The following SYT1 variants were observed in gnomAD, a reference collection of about 807,000 sequenced individuals.
SYT1 encodes the protein synaptotagmin 1.
SYT1 carries 8 observed loss-of-function variants against 44.8 expected under a neutral mutation model. The observed-to-expected ratio is 0.18, with a 90% CI of 0.10 to 0.32. The LOEUF is 0.32. SYT1 is among the 10% of genes least tolerant of loss of function. SYT1 has a pLI of 1.00. For missense variants in SYT1, 286 were observed against 509.3 expected (o/e 0.56, Z 4.22); for synonymous variants, 154 against 188.8 (o/e 0.82, Z 1.51).
intron 2 of SYT1, among the ~76,000 whole-genome samples, chr12:78,978,271 G>A (rs181581822): frequency 5.1e-4 from 77 of 152,250 alleles, no homozygotes; most frequent in African/African-American, 1.7e-3. Flanking sequence ...ATGATCTTGA[G>A]CAGTCTTGCA....
chr12:79,181,549 C>T lies in SYT1; in HGVS notation c.-17-35954C>T, dbSNP rs191591669. 2.1e-3 allele frequency among the ~76,000 whole-genome samples: 324 copies of T among 152,036 alleles called. 1 individual carries two copies. Among genetic ancestry groups the T allele is most frequent in the African/African-American group, 7.2e-3 (298 of 41,512 alleles). ...GGCCCCCACTCTTCTCCATATCAACCGTATACCTTTCTAGATGTCTAATAT... is the reference window on the plus strand; with the variant it reads ...GGCCCCCACTCTTCTCCATATCAACTGTATACCTTTCTAGATGTCTAATAT... On this transcript the variant is annotated intron_variant, in intron 3 of 10. Coordinates refer to ENST00000261205, the MANE Select transcript of SYT1 (RefSeq NM_005639.3).
intron 3 of SYT1, among the ~76,000 whole-genome samples, chr12:79,081,343 C>T (rs954928422): frequency 4.6e-5 from 7 of 151,588 alleles, no homozygotes; most frequent in Admixed American, 2.6e-4. Context: ...TTTTTACCTC[C>T]ACAGTGGAAT....
intron 3 of SYT1, among the ~76,000 whole-genome samples, chr12:79,200,436 A>G (rs1320480246): frequency 6.6e-6 from 1 of 152,142 alleles, no homozygotes; most frequent in African/African-American, 2.4e-5. Flanking sequence ...TAGAGCCACT[A>G]TGAGGGCTCT....
intron 2 of SYT1, among the ~76,000 whole-genome samples, chr12:78,983,457 G>T (rs1259174349): frequency 6.6e-6 from 1 of 152,098 alleles, no homozygotes; most frequent in Non-Finnish European, 1.5e-5. Flanking sequence ...TCTATATTAA[G>T]TTGTCAATGA....
intron 4 of SYT1, among the ~76,000 whole-genome samples, chr12:79,219,183 G>A (rs1179025785): frequency 6.6e-6 from 1 of 151,886 alleles, no homozygotes; most frequent in African/African-American, 2.4e-5. Context: ...TAGTCAGGTC[G>A]TTTGCCCTTC....
intron 2 of SYT1, among the ~76,000 whole-genome samples, chr12:79,001,118 C>T (rs535755526): frequency 1.3e-5 from 2 of 152,192 alleles, no homozygotes; most frequent in African/African-American, 4.8e-5. Context: ...GGATAAGGGG[C>T]TCCAGGAGAT....
chr12:79,039,869 G>A (rs1257900421), intron 2 of SYT1, among the ~76,000 whole-genome samples: 33 of 140,244 alleles, frequency 2.4e-4, no homozygotes, highest in African/African-American at 7.2e-4. Flanking sequence ...GAGAATATGC[G>A]GTGTTTGGTT....
At chr12:79,380,735 TAATAAGCTTCCCTTGC>T (rs954640164) in intron 9 of SYT1, among the ~76,000 whole-genome samples, 2 of 152,176 alleles carry the variant, frequency 1.3e-5, no homozygotes, top group Non-Finnish European at 2.9e-5. Flanking sequence ...AAAAGGACTG[TAATAAGCTTCCCTTGC>T]AATTCCCCAA....
chr12:79,333,669 G>T (rs1037130232), intron 8 of SYT1, among the ~76,000 whole-genome samples: 1 of 151,758 alleles, frequency 6.6e-6, no homozygotes, highest in Non-Finnish European at 1.5e-5. Flanking sequence ...TTTAGAAAGG[G>T]TTATTCTACT....
chr12:79,324,807 A>C (rs61928801), intron 8 of SYT1, among the ~76,000 whole-genome samples: 21,350 of 152,144 alleles, frequency 0.14, 1,956 homozygotes, highest in African/African-American at 0.26. Flanking sequence ...ATATTCCATA[A>C]CCTACAAAGA....
At chr12:79,115,063 A>T (rs1355331910) in intron 3 of SYT1, among the ~76,000 whole-genome samples, 1 of 152,158 alleles carries the variant, frequency 6.6e-6, no homozygotes. Flanking sequence ...TGCTGCAATT[A>T]TTCTGTTATG....
intron 1 of SYT1, among the ~76,000 whole-genome samples, chr12:78,942,156 A>G (rs1878412099): frequency 6.6e-6 from 1 of 152,202 alleles, no homozygotes; most frequent in African/African-American, 2.4e-5. Flanking sequence ...TTGATTCCTT[A>G]TTAAAATCTC....
At chr12:79,339,355 C>A (rs867764928) in intron 8 of SYT1, among the ~76,000 whole-genome samples, 1 of 152,142 alleles carries the variant, frequency 6.6e-6, no homozygotes, top group African/African-American at 2.4e-5. Flanking sequence ...TTTTAATGAT[C>A]GCCATTCTAA....
intron 3 of SYT1, among the ~76,000 whole-genome samples, chr12:79,152,266 G>A (rs1000768330): frequency 9.2e-5 from 14 of 152,274 alleles, no homozygotes; most frequent in South Asian, 2.1e-4. Context: ...ATGTAGATAT[G>A]TTACAGAATT....
intron 4 of SYT1, among the ~76,000 whole-genome samples, chr12:79,266,544 C>T (rs911690380): frequency 6.6e-6 from 1 of 151,934 alleles, no homozygotes; most frequent in Non-Finnish European, 1.5e-5. Context: ...ACAGAAGAGG[C>T]ATATGATGGT....
At chr12:79,121,456 T>C (rs564655840) in intron 3 of SYT1, among the ~76,000 whole-genome samples, 2 of 152,050 alleles carry the variant, frequency 1.3e-5, no homozygotes, top group African/African-American at 2.4e-5. Flanking sequence ...ATCAAATAGA[T>C]CTCAAAAGAA....
chr12:79,269,273 A>T (rs1341395279), intron 4 of SYT1, among the ~76,000 whole-genome samples: 1 of 152,136 alleles, frequency 6.6e-6, no homozygotes, highest in East Asian at 1.9e-4. Context: ...GTCCCTCTCC[A>T]TGAGCTTTAT....
chr12:79,161,251 G>T (rs1199525856), intron 3 of SYT1, among the ~76,000 whole-genome samples: 1 of 151,644 alleles, frequency 6.6e-6, no homozygotes, highest in Non-Finnish European at 1.5e-5. Context: ...AAAAAGTGGG[G>T]GATTATAAGA....
At chr12:79,178,936 A>C (rs930866690) in intron 3 of SYT1, among the ~76,000 whole-genome samples, 6 of 40,926 alleles carry the variant, frequency 1.5e-4, no homozygotes, top group African/African-American at 2.8e-4. Context: ...ATATCTATAT[A>C]GATATAGATA....
Sources: gnomAD v4.1 joint callset for allele counts (sites outside exome capture counted in the v4.1 genomes callset) on GRCh38, gnomAD v4.1.1 for gene constraint, MANE v1.5 for transcripts, NCBI Gene and HGNC (gene_info 2026-07-23, HGNC 2026-07-21) for gene names.